The following NAALADL2 variants were observed in gnomAD, a reference collection of about 807,000 sequenced individuals.
NAALADL2 encodes N-acetylated alpha-linked acidic dipeptidase like 2, also known as inactive N-acetylated-alpha-linked acidic dipeptidase-like protein 2.
Under a neutral mutation model 87.2 loss-of-function variants are expected in NAALADL2, and 76 were observed. The ratio of observed to expected loss-of-function variants is 0.87; its 90% CI spans 0.72 to 1.05. The LOEUF is 1.05. Among genes scored for constraint, NAALADL2 ranks in the 50% least tolerant of loss-of-function variants. The pLI is 0.00. For missense variants in NAALADL2, 1,089 were observed against 945.8 expected (o/e 1.15, Z -1.99); for synonymous variants, 354 against 331.0 (o/e 1.07, Z -0.75).
chr3:174,475,996 T>A (rs1183701975), intron 1 of NAALADL2, among the ~76,000 whole-genome samples: 22 of 152,056 alleles, frequency 1.4e-4, no homozygotes, highest in Non-Finnish European at 1.0e-4. Flanking sequence ...TAACACTGTA[T>A]TAGATCTTAA....
chr3:175,324,062 GAAAAAA>G, intron 4 of NAALADL2, 107 bp from the exon 5 acceptor site: 10 of 617,850 alleles, frequency 1.6e-5, no homozygotes, highest in Non-Finnish European at 2.1e-5. Context: ...AAAAGAAAAA[GAAAAAA>G]AAACTGGAAA....
intron 1 of NAALADL2, among the ~76,000 whole-genome samples, chr3:174,882,705 GTATC>G (rs1470529718): frequency 9.2e-5 from 12 of 130,924 alleles, no homozygotes; most frequent in East Asian, 2.1e-4. Context: ...ATATACATGT[GTATC>G]TACACATATA....
At chr3:175,516,445 C>T (rs554250338) in intron 9 of NAALADL2, among the ~76,000 whole-genome samples, 3 of 152,252 alleles carry the variant, frequency 2.0e-5, no homozygotes, top group South Asian at 4.1e-4. Flanking sequence ...CAAACTACTT[C>T]GTGATACCAG....
chr3:175,646,234 CA>C (rs759637190), intron 11 of NAALADL2, among the ~76,000 whole-genome samples: 20 of 151,982 alleles, frequency 1.3e-4, no homozygotes, highest in Non-Finnish European at 2.1e-4. Flanking sequence ...GGCTTATTTT[CA>C]GTATGCCAAT....
chr3:174,799,169 C>CAAA (rs3040101), intron 3 of NAALADL2, among the ~76,000 whole-genome samples: 1 of 125,066 alleles, frequency 8.0e-6, no homozygotes. Flanking sequence ...GACTCTGTCT[C>CAAA]AAAAAAAAAA....
At chr3:174,482,182 T>G (rs933790017) in intron 1 of NAALADL2, among the ~76,000 whole-genome samples, 6 of 152,092 alleles carry the variant, frequency 3.9e-5, no homozygotes, top group Non-Finnish European at 7.4e-5. Context: ...CCCAGAAACT[T>G]TATTTCCTGA....
chr3:174,851,981 T>G (rs1022252149), intron 3 of NAALADL2, among the ~76,000 whole-genome samples: 4 of 152,142 alleles, frequency 2.6e-5, no homozygotes, highest in Non-Finnish European at 5.9e-5. Context: ...AAAATCTATA[T>G]GATCCTTTCA....
chr3:175,228,585 C>T (rs186275759), intron 2 of NAALADL2, among the ~76,000 whole-genome samples: 16 of 151,216 alleles, frequency 1.1e-4, no homozygotes, highest in East Asian at 3.9e-4. Flanking sequence ...TAAGCTAGCA[C>T]GGAGTGCAAT....
intron 3 of NAALADL2, among the ~76,000 whole-genome samples, chr3:174,791,011 A>C (rs547313662): frequency 1.3e-5 from 2 of 152,292 alleles, no homozygotes; most frequent in South Asian, 4.1e-4. Context: ...TACTACAGGA[A>C]AGAGCAGTTT....
intron 9 of NAALADL2, among the ~76,000 whole-genome samples, chr3:175,512,068 C>T (rs992298827): frequency 6.6e-6 from 1 of 151,924 alleles, no homozygotes; most frequent in Admixed American, 6.6e-5. Context: ...ATAGTGTGAC[C>T]CCCATCTCTA....
At chr3:175,058,499 A>G (rs756736982) in intron 1 of NAALADL2, among the ~76,000 whole-genome samples, 4 of 152,228 alleles carry the variant, frequency 2.6e-5, no homozygotes, top group Non-Finnish European at 5.9e-5. Flanking sequence ...TAATCAAACA[A>G]TAAGTAAACA....
chr3:175,807,593 C>A lies in NAALADL2; in HGVS notation c.*4390C>A, dbSNP rs1465919948. On this transcript the variant is annotated 3_prime_UTR_variant, in exon 14 of 14. Transcript: ENST00000454872. ...AATAGAAAGGAATTATTTTAAACTA[C>A]CAATCCATATGTTGAGTGGAAAGGA... 1.3e-5 allele frequency: 2 copies of A among 151,782 alleles called. No individual in the cohort carries two copies. Among genetic ancestry groups the A allele is most frequent in the African/African-American group, 2.4e-5 (1 of 41,366 alleles). The allele number at this position is 151,782 out of a possible 1,614,324, so 9.4% of individuals were successfully genotyped here. A position where few individuals can be genotyped will look rare whatever the true frequency, so the allele number is the denominator to read the frequency against.
chr3:174,888,676 T>A (rs1276979577), intron 1 of NAALADL2, among the ~76,000 whole-genome samples: 1 of 152,224 alleles, frequency 6.6e-6, no homozygotes, highest in African/African-American at 2.4e-5. Flanking sequence ...AACCTTGCGC[T>A]CTGAGCATTT....
chr3:174,640,940 T>C (rs1201838258), intron 2 of NAALADL2, among the ~76,000 whole-genome samples: 2 of 152,148 alleles, frequency 1.3e-5, no homozygotes, highest in Non-Finnish European at 2.9e-5. Flanking sequence ...GTTGTGCTCT[T>C]TCCCGGAAGC....
chr3:175,383,005 T>C (rs1440404850), intron 5 of NAALADL2, among the ~76,000 whole-genome samples: 2 of 152,114 alleles, frequency 1.3e-5, no homozygotes, highest in Non-Finnish European at 2.9e-5. Flanking sequence ...TTTAAGTTAA[T>C]ATTTCATACG....
intron 12 of NAALADL2, among the ~76,000 whole-genome samples, chr3:175,754,337 C>A (rs1746981051): frequency 6.6e-6 from 1 of 152,166 alleles, no homozygotes; most frequent in Admixed American, 6.5e-5. Flanking sequence ...CAGCGGACAA[C>A]TATACTAGTG....
intron 3 of NAALADL2, among the ~76,000 whole-genome samples, chr3:174,813,864 T>C (rs1371991418): frequency 6.6e-6 from 1 of 152,102 alleles, no homozygotes; most frequent in African/African-American, 2.4e-5. Flanking sequence ...AAATAATAAA[T>C]ATTTAAGATC....
intron 13 of NAALADL2, among the ~76,000 whole-genome samples, chr3:175,758,866 C>T (rs982149003): frequency 1.3e-5 from 2 of 151,856 alleles, no homozygotes; most frequent in Admixed American, 6.6e-5. Flanking sequence ...ACTGGGCATA[C>T]AGAATTCTCA....
chr3:175,598,506 A>G (rs549360052), intron 10 of NAALADL2, among the ~76,000 whole-genome samples: 14 of 152,146 alleles, frequency 9.2e-5, no homozygotes, highest in Admixed American at 6.5e-4. Context: ...CCCTTGTTTC[A>G]TATAATAACC....
Sources: gnomAD v4.1 joint callset for allele counts (sites outside exome capture counted in the v4.1 genomes callset) on GRCh38, gnomAD v4.1.1 for gene constraint, MANE v1.5 for transcripts, NCBI Gene and HGNC (gene_info 2026-07-23, HGNC 2026-07-21) for gene names.